The following TSNARE1 variants were observed in gnomAD, a reference collection of about 807,000 sequenced individuals.
TSNARE1 encodes t-SNARE domain-containing protein 1.
In TSNARE1, 49 loss-of-function variants were observed where a neutral mutation model predicts 62.0. That is an observed-to-expected ratio of 0.79 (90% CI 0.63 to 1.00). The LOEUF (loss-of-function observed/expected upper bound fraction) is 1.00. TSNARE1 is among the 50% of genes least tolerant of loss of function. The pLI is 0.00. For synonymous variants in TSNARE1, 328 were observed against 294.4 expected (o/e 1.11, Z -1.17); for missense variants, 755 against 700.1 (o/e 1.08, Z -0.88).
At chr8:142,305,024 C>T (rs982563555) in intron 9 of TSNARE1, among the ~76,000 whole-genome samples, 22 of 152,152 alleles carry the variant, frequency 1.4e-4, no homozygotes, top group Non-Finnish European at 2.4e-4. Flanking sequence ...CTGGTGTGCC[C>T]GAGGACGGAG....
At chr8:142,395,178 T>C (rs1320156372) in intron 1 of TSNARE1, among the ~76,000 whole-genome samples, 1 of 151,922 alleles carries the variant, frequency 6.6e-6, no homozygotes, top group African/African-American at 2.4e-5. Flanking sequence ...GGCATTTTCC[T>C]GTGCTGGGAC....
chr8:142,278,368 C>G, intron 11 of TSNARE1: 1 of 985,482 alleles, frequency 1.0e-6, no homozygotes, highest in Non-Finnish European at 1.2e-6. Context: ...CAGCCCCTGC[C>G]TGTCCTGTGA....
At chr8:142,313,723 CTGTGTGCATCTA>C (rs1317921357) in intron 9 of TSNARE1, among the ~76,000 whole-genome samples, 3 of 152,172 alleles carry the variant, frequency 2.0e-5, no homozygotes, top group African/African-American at 7.2e-5. Flanking sequence ...GTCTGCATGT[CTGTGTGCATCTA>C]TGTGTGCATT....
chr8:142,221,953 CCACT>C (rs1465542780), intron 13 of TSNARE1, among the ~76,000 whole-genome samples: 2 of 117,168 alleles, frequency 1.7e-5, no homozygotes, highest in East Asian at 2.7e-4. Context: ...ACTCACTCAT[CCACT>C]CACTCATCCA....
intron 11 of TSNARE1, chr8:142,276,224 C>T (rs1820461205): frequency 1.0e-6 from 1 of 985,350 alleles, no homozygotes. Context: ...GCCTCGGCCG[C>T]TCCTGGAGCA....
At chr8:142,332,021 C>T (rs1831125242) in intron 4 of TSNARE1, among the ~76,000 whole-genome samples, 190 bp from the exon 5 acceptor site, 1 of 152,218 alleles carries the variant, frequency 6.6e-6, no homozygotes, top group African/African-American at 2.4e-5. Flanking sequence ...CCTGCCTTCA[C>T]AGTACCTTCA....
rs1830934132 is a variant in TSNARE1 at position 142,330,896 on chromosome 8, C to T, written c.893+5G>A. 6.2e-7 allele frequency: 1 copy of T among 1,613,966 alleles called. No individual in the cohort carries two copies. The highest frequency in any genetic ancestry group is 8.5e-7 in the Non-Finnish European group (1 of 1,179,994). Reference sequence around the variant, plus strand: ...GCAAAGAGATACCATGGCCCACACACTCACAGGCTGTCCCGAAGCTCCTGC... The same window carrying T: ...GCAAAGAGATACCATGGCCCACACATTCACAGGCTGTCCCGAAGCTCCTGC... On this transcript the variant is annotated splice_donor_5th_base_variant and intron_variant, in intron 6 of 13. Transcript: ENST00000524325.
chr8:142,235,936 G>A (rs1157164462), intron 12 of TSNARE1, among the ~76,000 whole-genome samples: 1 of 152,140 alleles, frequency 6.6e-6, no homozygotes, highest in African/African-American at 2.4e-5. Context: ...ACGCAGGAGG[G>A]GCTTCACCTG....
At chr8:142,388,652 G>A (rs1837277448) in intron 1 of TSNARE1, among the ~76,000 whole-genome samples, 3 of 149,456 alleles carry the variant, frequency 2.0e-5, no homozygotes, top group Admixed American at 1.3e-4. Flanking sequence ...CCACCTCGCA[G>A]GTTCAAATCA....
intron 1 of TSNARE1, among the ~76,000 whole-genome samples, chr8:142,369,697 A>C (rs1587047860): frequency 6.6e-6 from 1 of 152,214 alleles, no homozygotes; most frequent in Non-Finnish European, 1.5e-5. Flanking sequence ...GAAATGAAGA[A>C]GCTTCTGGAG....
Position 142,370,405 on chromosome 8 carries a change from CAAAAAAT to C in TSNARE1, c.-39-15649_-39-15643del, listed in dbSNP as rs757902248. Among the ~76,000 whole-genome samples, 13 of 152,156 alleles carry C rather than the reference CAAAAAAT, an allele frequency of 8.5e-5. No individual in the cohort carries two copies. In the East Asian group the frequency reaches 1.4e-3, roughly 16 times the overall value. On this transcript the variant is annotated intron_variant, in intron 1 of 13. Transcript: ENST00000524325. ...CCAACAAAGTGAGACTCCATCTCTA[CAAAAAAT>C]AAAAAATAAATTTAAACATTCGTTG...
At chr8:142,313,077 T>C (rs1351393451) in intron 9 of TSNARE1, among the ~76,000 whole-genome samples, 3 of 152,234 alleles carry the variant, frequency 2.0e-5, no homozygotes, top group Admixed American at 1.3e-4. Flanking sequence ...TGTGTGTCTG[T>C]GTTTATCTGC....
intron 5 of TSNARE1, 42 bp downstream of exon 5, chr8:142,331,712 T>C (rs556364711): frequency 3.3e-6 from 5 of 1,532,664 alleles, no homozygotes; most frequent in African/African-American, 1.4e-5. Context: ...TGGTCCAGGG[T>C]GCCTGGATGG....
chr8:142,371,868 C>T (rs1011103678), intron 1 of TSNARE1, among the ~76,000 whole-genome samples: 2 of 152,238 alleles, frequency 1.3e-5, no homozygotes, highest in Non-Finnish European at 2.9e-5. Context: ...TTTGCTGGCA[C>T]ACAGCCACGC....
chr8:142,381,572 C>T (rs539554726), intron 1 of TSNARE1, among the ~76,000 whole-genome samples: 1 of 152,154 alleles, frequency 6.6e-6, no homozygotes, highest in African/African-American at 2.4e-5. Flanking sequence ...TTCTGGGAGA[C>T]CCCAGAAGCA....
At chr8:142,330,487 C>T (rs1030655869) in intron 6 of TSNARE1, among the ~76,000 whole-genome samples, 1 of 152,254 alleles carries the variant, frequency 6.6e-6, no homozygotes, top group Non-Finnish European at 1.5e-5. Flanking sequence ...CATGGCTGTG[C>T]AAATGGTACA....
At chr8:142,254,018 A>C (rs1406731399) in intron 12 of TSNARE1, among the ~76,000 whole-genome samples, 1 of 152,226 alleles carries the variant, frequency 6.6e-6, no homozygotes, top group African/African-American at 2.4e-5. Flanking sequence ...GACAGAAATC[A>C]ATTCCACGCA....
rs1189509617 is a variant in TSNARE1, at chr8:142,301,547, C to T, written c.1132-903G>A. On this transcript the variant is annotated intron_variant, in intron 9 of 13. Coordinates refer to ENST00000524325, the MANE Select transcript of TSNARE1 (RefSeq NM_145003.5). ...GTCAGGAGCCCGGCCACAGTGCCCC[C>T]CACCTGCCCTGCCCATGCCAGCGGG... is the stretch of plus-strand genomic sequence containing the variant. Among the ~76,000 whole-genome samples the T allele has an allele frequency of 2.2e-4, 33 of 151,846 alleles. 1 individual carries two copies. The highest frequency in any genetic ancestry group is 7.4e-5 in the Non-Finnish European group (5 of 67,968).
At chr8:142,315,702 G>A (rs1353528899) in intron 7 of TSNARE1, among the ~76,000 whole-genome samples, 4 of 152,186 alleles carry the variant, frequency 2.6e-5, no homozygotes, top group Admixed American at 6.5e-5. Context: ...CTGGCTCACC[G>A]TGGACACCAC....
Sources: allele counts gnomAD v4.1 joint callset (sites outside exome capture counted in the v4.1 genomes callset), GRCh38; gene constraint gnomAD v4.1.1; transcripts MANE v1.5; gene names NCBI Gene and HGNC (gene_info 2026-07-23, HGNC 2026-07-21).